The following FLNB variants were observed in gnomAD, a reference collection of about 807,000 sequenced individuals.
The protein encoded by FLNB is filamin-B.
In FLNB, 111 loss-of-function variants were observed where a neutral mutation model predicts 250.6. The observed-to-expected ratio is 0.44, with a 90% CI of 0.38 to 0.52. FLNB has a LOEUF of 0.52. Ranked by LOEUF, FLNB falls within the 20% of genes least tolerant of loss-of-function variation. The pLI, the probability that FLNB is intolerant of heterozygous loss-of-function variation, is 0.00. For missense variants in FLNB, 2,869 were observed against 3,447.8 expected (o/e 0.83, Z 4.20); for synonymous variants, 1,302 against 1,372.1 (o/e 0.95, Z 1.13).
rs551711451 is a variant in FLNB at position 58,146,677 on chromosome 3, G to A, written c.5555-143G>A. ...CGTGGACTGCTTCATTCTGACAGATGTCCCTTTGCCCACAGCTCACGTGGA... is the reference window on the plus strand; with the variant it reads ...CGTGGACTGCTTCATTCTGACAGATATCCCTTTGCCCACAGCTCACGTGGA... On this transcript the variant is annotated intron_variant, in intron 33 of 45. Coordinates refer to ENST00000295956, the MANE Select transcript of FLNB (RefSeq NM_001457.4). The A allele has an allele frequency of 1.6e-3, 1,274 of 801,872 alleles. 3 individuals carry two copies. The highest frequency in any genetic ancestry group is 2.5e-3 in the Non-Finnish European group (1,163 of 471,262). 49.7% of individuals were successfully genotyped at this position (801,872 alleles called of 1,614,324 possible). A position where few individuals can be genotyped will look rare whatever the true frequency, so the allele number is the denominator to read the frequency against.
At chr3:58,056,105 A>ATTTAT (rs796811846) in intron 1 of FLNB, among the ~76,000 whole-genome samples, 19 of 128,766 alleles carry the variant, frequency 1.5e-4, no homozygotes, top group South Asian at 6.9e-4. Context: ...TTATTTATTT[A>ATTTAT]TTTTTTTTTT....
In FLNB at chr3:58,154,908, C is replaced by G. The variant is rs1014726609; in HGVS notation, c.6752C>G (p.Ser2251Cys). 5.8e-5 allele frequency: 94 copies of G among 1,613,902 alleles called. No homozygotes were observed. Among genetic ancestry groups the G allele is most frequent in the Non-Finnish European group, 7.2e-5 (85 of 1,179,980 alleles). ...CATAAAAATGGGTCGTGCGGTGTAT[C>G]TTATATTGCCCAAGAGCCTGGTATG... ...DDHKNGSCGVSYIAQEPGNYE... is the reference protein window; with the variant it reads ...DDHKNGSCGVCYIAQEPGNYE... Residue 2251 changes from serine to cysteine, a missense_variant, in exon 40 of 46, where the codon TCT becomes TGT. This residue lies in a region of FLNB where 1,084 missense variants were observed against 1,315.5 expected (regional missense o/e 0.82). Coordinates refer to ENST00000295956, the MANE Select transcript of FLNB (RefSeq NM_001457.4).
chr3:58,081,188 G>A (rs77246628), intron 3 of FLNB, among the ~76,000 whole-genome samples: 2,041 of 152,170 alleles, frequency 0.013, 46 homozygotes, highest in African/African-American at 0.047. Context: ...AATTAGTAGA[G>A]TTAATACAGA....
chr3:58,066,365 G>A (rs893071566), intron 1 of FLNB, among the ~76,000 whole-genome samples: 5 of 151,680 alleles, frequency 3.3e-5, no homozygotes, highest in Non-Finnish European at 4.4e-5. Flanking sequence ...GATTACAGGC[G>A]CCCGCCACCA....
At chr3:58,067,315 GC>G (rs2097187071) in intron 1 of FLNB, among the ~76,000 whole-genome samples, 2 of 151,970 alleles carry the variant, frequency 1.3e-5, no homozygotes, top group South Asian at 4.1e-4. Context: ...GAAAAGACCT[GC>G]CAAGTCAACT....
intron 1 of FLNB, among the ~76,000 whole-genome samples, chr3:58,053,561 A>G (rs181765594): frequency 3.9e-4 from 59 of 152,258 alleles, no homozygotes; most frequent in Middle Eastern, 3.4e-3. Flanking sequence ...CCTGGGTTCA[A>G]GTGATTCTTC....
intron 4 of FLNB, among the ~76,000 whole-genome samples, chr3:58,084,744 A>C (rs1253897367): frequency 6.6e-6 from 1 of 152,132 alleles, no homozygotes; most frequent in East Asian, 1.9e-4. Flanking sequence ...CTCCATACTC[A>C]TTAAACAATA....
chr3:58,056,093 A>AT (rs1338835387), intron 1 of FLNB, among the ~76,000 whole-genome samples: 10 of 131,246 alleles, frequency 7.6e-5, no homozygotes, highest in African/African-American at 3.3e-4. Flanking sequence ...TTATTTATTT[A>AT]TTTATTTATT....
rs374642588 is a variant in FLNB, at chr3:58,029,892, C to T, written c.292+21036C>T. On this transcript the variant is annotated intron_variant, in intron 1 of 45. Coordinates refer to ENST00000295956, the MANE Select transcript of FLNB (RefSeq NM_001457.4). ...AGTGTACATGCTTTCTCTGAGGCCT[C>T]CGTCCTCACTGCTCTCATCTATAAA... Among the ~76,000 whole-genome samples the T allele has an allele frequency of 8.5e-5, 13 of 152,262 alleles. No individual in the cohort carries two copies. In the East Asian group the frequency reaches 1.7e-3, roughly 20 times the overall value.
rs1215361317 is a variant in FLNB, at chr3:58,171,635, T to C, written c.*873T>C. The C allele has an allele frequency of 6.6e-6, 1 of 152,212 alleles. No homozygotes were observed. Among genetic ancestry groups the C allele is most frequent in the African/African-American group, 2.4e-5 (1 of 41,438 alleles). 9.4% of individuals were successfully genotyped at this position (152,212 alleles called of 1,614,324 possible). On this transcript the variant is annotated 3_prime_UTR_variant, in exon 46 of 46. Transcript: ENST00000295956. This position sits in a 1 kb window ranked among gnomAD's most constrained non-coding sequence, Gnocchi z 5.5. ...ATCAGCCTGGGCAGTCTTACCAAAATGTTTAAAGTGATCTCAGAGGGGCCC... is the reference window on the plus strand; with the variant it reads ...ATCAGCCTGGGCAGTCTTACCAAAACGTTTAAAGTGATCTCAGAGGGGCCC...
intron 42 of FLNB, 24 bp from the exon 43 acceptor site, chr3:58,163,130 C>T (rs181780655): frequency 3.1e-6 from 5 of 1,613,468 alleles, no homozygotes; most frequent in East Asian, 2.2e-5. Context: ...TGATTTCACC[C>T]TGTGCCTTTG....
intron 19 of FLNB, among the ~76,000 whole-genome samples, 155 bp downstream of exon 19, chr3:58,119,144 T>C (rs2097283993): frequency 6.6e-6 from 1 of 152,024 alleles, no homozygotes; most frequent in African/African-American, 2.4e-5. Flanking sequence ...AAGGCCGTGG[T>C]GTGAAGTAAC....
intron 22 of FLNB, among the ~76,000 whole-genome samples, chr3:58,125,047 G>A (rs989335117): frequency 7.2e-5 from 11 of 152,128 alleles, no homozygotes; most frequent in African/African-American, 2.7e-4. Flanking sequence ...TTGAATATTT[G>A]CTTGGTTGGG....
rs776598113 is a variant in FLNB, at chr3:58,169,485, C to T, written c.7418-105C>T. The T allele has an allele frequency of 7.5e-5, 66 of 885,318 alleles. No individual in the cohort carries two copies. Among genetic ancestry groups the T allele is most frequent in the South Asian group, 1.8e-4 (14 of 75,836 alleles). 54.8% of individuals were successfully genotyped at this position (885,318 alleles called of 1,614,324 possible). ...GTGGTGGCTTTTGTGTTGGGGTGCG[C>T]GGGCTCTCCTGGGGTTACTGTGTAG... On this transcript the variant is annotated intron_variant, in intron 44 of 45. Transcript: ENST00000295956. This position sits in a 1 kb window ranked among gnomAD's most constrained non-coding sequence, Gnocchi z 4.8.
intron 1 of FLNB, among the ~76,000 whole-genome samples, chr3:58,025,783 G>A (rs1367315388): frequency 5.9e-5 from 9 of 152,206 alleles, no homozygotes; most frequent in African/African-American, 9.7e-5. Flanking sequence ...AAAATTAGCC[G>A]GAGGTGGTAG....
chr3:58,080,192 G>A (rs920171201), intron 3 of FLNB, among the ~76,000 whole-genome samples: 1 of 152,214 alleles, frequency 6.6e-6, no homozygotes, highest in East Asian at 1.9e-4. Context: ...TGTTCCTGCA[G>A]GCTAATGGTC....
intron 8 of FLNB, among the ~76,000 whole-genome samples, chr3:58,100,373 A>AAAAAAAAAAATATATATATATAT: frequency 2.9e-5 from 3 of 104,386 alleles, no homozygotes; most frequent in Non-Finnish European, 5.4e-5. Context: ...GTAAAAAAAA[A>AAAAAAAAAAATATATATATATAT]ATATATATAT....
At chr3:58,053,193 A>C (rs150643426) in intron 1 of FLNB, among the ~76,000 whole-genome samples, 10 of 152,338 alleles carry the variant, frequency 6.6e-5, no homozygotes, top group Admixed American at 1.3e-4. Context: ...GCCCTTAAAA[A>C]ATGTGATAAA....
intron 8 of FLNB, 140 bp from the exon 9 acceptor site, chr3:58,102,063 G>C: frequency 1.2e-6 from 1 of 832,030 alleles, no homozygotes; most frequent in South Asian, 1.5e-5. Context: ...CCCTGAGTGG[G>C]ACCCCTGGTC....
Sources: gnomAD v4.1 joint callset for allele counts (sites outside exome capture counted in the v4.1 genomes callset) on GRCh38, gnomAD v4.1.1 for gene constraint, gnomAD v4.1.1 regional missense constraint, Gnocchi (gnomAD v3.1) non-coding constraint, MANE v1.5 for transcripts, NCBI Gene and HGNC (gene_info 2026-07-23, HGNC 2026-07-21) for gene names.